The following POU5F1 variants were observed in gnomAD, a reference collection of about 807,000 sequenced individuals.
POU5F1 encodes the protein POU domain, class 5, transcription factor 1.
Under a neutral mutation model 38.3 loss-of-function variants are expected in POU5F1, and 6 were observed. That is an observed-to-expected ratio of 0.16 (90% CI 0.09 to 0.31). POU5F1 has a LOEUF of 0.31. POU5F1 is among the 10% of genes least tolerant of loss of function. The pLI, the probability that POU5F1 is intolerant of heterozygous loss-of-function variation, is 1.00. For synonymous variants in POU5F1, 147 were observed against 194.9 expected (o/e 0.75, Z 2.05); for missense variants, 286 against 462.6 (o/e 0.62, Z 3.50).
chr6:31,166,456 C>T, intron 1 of POU5F1: 1 of 1,314,596 alleles, frequency 7.6e-7, no homozygotes, highest in Non-Finnish European at 1.0e-6. Context: ...GTCAGGAGTT[C>T]AAGACCAGCA....
chr6:31,170,231 C>G lies in POU5F1; in HGVS notation c.390G>C (p.Glu130Asp). ...GCTCACTTGCCTCCTCCGGGTTTTG[C>G]TCCAGCTTCTCCTTCTCCAGCTTCA... ...GAVKLEKEKL[E>D]QNPEESQDIK... The change falls in exon 1 of 5, where the codon GAG (glutamate) becomes GAC (aspartate). Residue 130 changes from glutamate (E) to aspartate (D), a missense_variant. Transcript: ENST00000259915. 1.2e-6 allele frequency: 2 copies of G among 1,612,922 alleles called. No homozygotes were observed. The highest frequency in any genetic ancestry group is 1.7e-6 in the Non-Finnish European group (2 of 1,179,842).
chr6:31,170,193 C>T, intron 1 of POU5F1, 23 bp downstream of exon 1: 1 of 1,612,810 alleles, frequency 6.2e-7, no homozygotes, highest in Non-Finnish European at 8.5e-7. Flanking sequence ...CCCCACACCC[C>T]AACCCCGTCG....
intron 1 of POU5F1, among the ~76,000 whole-genome samples, chr6:31,168,538 G>C (rs1008071953): frequency 2.0e-5 from 3 of 152,182 alleles, no homozygotes; most frequent in Non-Finnish European, 1.5e-5. Flanking sequence ...TCTAGTTGAC[G>C]TGTTGGCCAC....
rs1777151473 is a variant in POU5F1 at position 31,165,429 on chromosome 6, T to C, written c.657+142A>G. On this transcript the variant is annotated intron_variant, in intron 3 of 4. Coordinates refer to ENST00000259915, the MANE Select transcript of POU5F1 (RefSeq NM_002701.6). This position sits in a 1 kb window ranked among gnomAD's most constrained non-coding sequence, Gnocchi z 6.5. ...TCCTGGAAGGGTTGGCTCTGGACCT[T>C]ATCCCAGCAGAACTGAGGAATTTCA... 2.6e-6 allele frequency: 4 copies of C among 1,567,054 alleles called. No individual in the cohort carries two copies. The highest frequency in any genetic ancestry group is 2.3e-5 in the East Asian group (1 of 43,700).
Position 31,164,813 on chromosome 6 carries a change from C to T in POU5F1, c.871G>A (p.Asp291Asn), listed in dbSNP as rs778460021. 8.7e-6 allele frequency: 14 copies of T among 1,612,646 alleles called. No homozygotes were observed. The highest frequency in any genetic ancestry group is 4.0e-5 in the African/African-American group (3 of 74,898). The change falls in exon 5 of 5, where the codon GAC becomes AAC. Residue 291 changes from aspartate to asparagine, a missense_variant. By Grantham distance (23) the Asp-to-Asn change is conservative. Around this residue, in one of 2 missense-constraint regions of POU5F1, gnomAD observed 110 missense variants for 277.8 expected, o/e 0.40. Transcript: ENST00000259915. ...TCAAAATCCTCTCGTTGTGCATAGT[C>T]GCTGCTTGATCGCTTGCCCTTCTGG... is the stretch of plus-strand genomic sequence containing the variant. Reference protein sequence around the residue: ...RRQKGKRSSSDYAQREDFEAA... With the variant: ...RRQKGKRSSSNYAQREDFEAA...
rs372794318 is a variant in POU5F1 at position 31,168,432 on chromosome 6, G to A, written c.405+1784C>T. Among the ~76,000 whole-genome samples the A allele has an allele frequency of 6.6e-5, 10 of 152,002 alleles. No individual in the cohort carries two copies. The East Asian group carries it at 1.5e-3, about 24-fold the overall frequency. On this transcript the variant is annotated intron_variant, in intron 1 of 4. Transcript: ENST00000259915. ...GTATTTTTAGTAGAGATGGGGTTTC[G>A]CCATGTTGGTCAGGCTGGACTCGAA...
At chr6:31,167,905 A>G (rs1561860495) in intron 1 of POU5F1, among the ~76,000 whole-genome samples, 1 of 151,866 alleles carries the variant, frequency 6.6e-6, no homozygotes. Flanking sequence ...TGTTGCAGAC[A>G]TAGTGACTTT....
rs1312176465 is a variant in POU5F1 at position 31,170,529 on chromosome 6, T to C, written c.92A>G (p.Asp31Gly). 6.3e-7 allele frequency: 1 copy of C among 1,585,360 alleles called. No individual in the cohort carries two copies. Among genetic ancestry groups the C allele is most frequent in the Non-Finnish European group, 8.6e-7 (1 of 1,166,618 alleles). ...TTGGAAGCTTAGCCAGGTCCGAGGATCAACCCAGCCCGGCTCCGGCCCCCC... is the reference window on the plus strand; with the variant it reads ...TTGGAAGCTTAGCCAGGTCCGAGGACCAACCCAGCCCGGCTCCGGCCCCCC... The part of the protein sequence containing the change: ...GPGGPEPGWV[D>G]PRTWLSFQGP... Residue 31 changes from aspartate (D) to glycine (G), a missense_variant, in exon 1 of 5, where the codon GAT (aspartate) becomes GGT (glycine). This residue lies in a region of POU5F1 where 176 missense variants were observed against 184.8 expected (regional missense o/e 0.95). Coordinates refer to ENST00000259915, the MANE Select transcript of POU5F1 (RefSeq NM_002701.6).
chr6:31,170,225 G>T lies in POU5F1; in HGVS notation c.396C>A (p.Asn132Lys). Residue 132 changes from asparagine to lysine, a missense_variant, in exon 1 of 5, where the codon AAC (asparagine) becomes AAA (lysine). Transcript: ENST00000259915. ...GTCGAAGCTCACTTGCCTCCTCCGGGTTTTGCTCCAGCTTCTCCTTCTCCA... is the reference window on the plus strand; with the variant it reads ...GTCGAAGCTCACTTGCCTCCTCCGGTTTTTGCTCCAGCTTCTCCTTCTCCA... Reference protein sequence around the residue: ...VKLEKEKLEQNPEESQDIKAL... With the variant: ...VKLEKEKLEQKPEESQDIKAL... 1 of 1,612,918 alleles carries T rather than the reference G, an allele frequency of 6.2e-7. No homozygotes were observed. Among genetic ancestry groups the T allele is most frequent in the East Asian group, 2.2e-5 (1 of 44,880 alleles).
At chr6:31,167,140 G>A in intron 1 of POU5F1, 1 of 411,870 alleles carries the variant, frequency 2.4e-6, no homozygotes, top group Non-Finnish European at 4.6e-6. Flanking sequence ...TGCCCACTTG[G>A]ATCTCTTCCA....
At chr6:31,166,342 G>A in intron 1 of POU5F1, 1 of 1,293,468 alleles carries the variant, frequency 7.7e-7, no homozygotes, top group Non-Finnish European at 9.8e-7. Context: ...CCCTGGCCTC[G>A]AGAACACCTG....
In POU5F1 at chr6:31,170,293, C is replaced by T; in HGVS notation, c.328G>A (p.Ala110Thr). ...GTGACGGTGCAGGGCTCCGGGGAGGCCCCATCGGAGTTGCTCTCCACCCCG... is the reference window on the plus strand; with the variant it reads ...GTGACGGTGCAGGGCTCCGGGGAGGTCCCATCGGAGTTGCTCTCCACCCCG... ...GVGVESNSDG[A>T]SPEPCTVTPG... The change falls in exon 1 of 5, where the codon GCC becomes ACC. Residue 110 changes from alanine (A) to threonine (T), a missense_variant. By Grantham distance (58) the Ala-to-Thr change is moderately conservative. Transcript: ENST00000259915. 2 of 1,612,830 alleles carry T rather than the reference C, an allele frequency of 1.2e-6. No individual in the cohort carries two copies. Among genetic ancestry groups the T allele is most frequent in the Non-Finnish European group, 1.7e-6 (2 of 1,179,834 alleles).
At chr6:31,167,197 C>T (rs1231415381) in intron 1 of POU5F1, 1 of 322,240 alleles carries the variant, frequency 3.1e-6, no homozygotes, top group Middle Eastern at 8.2e-4. Context: ...TAATAATAAA[C>T]TTCCACTCCT....
chr6:31,169,902 GC>G, intron 1 of POU5F1: 1 of 521,394 alleles, frequency 1.9e-6, no homozygotes, highest in South Asian at 2.4e-5. Context: ...CCCTGGGCAG[GC>G]CTAGGAGATG....
At chr6:31,167,920 T>C (rs1474815997) in intron 1 of POU5F1, among the ~76,000 whole-genome samples, 2 of 149,202 alleles carry the variant, frequency 1.3e-5, no homozygotes, top group African/African-American at 5.0e-5. Context: ...GACTTTGTTT[T>C]AGTCCAAGCG....
chr6:31,165,416 TG>T lies in POU5F1; in HGVS notation c.658-131del. ...TGAAAAGGCAGGATCCTGGAAGGGT[TG>T]GCTCTGGACCTTATCCCAGCAGAAC... On this transcript the variant is annotated intron_variant, in intron 3 of 4. Transcript: ENST00000259915. The surrounding 1 kb of genome is among the most constrained non-coding windows in gnomAD (Gnocchi z 6.5). 6.4e-7 allele frequency: 1 copy of T among 1,562,794 alleles called. No individual in the cohort carries two copies. The highest frequency in any genetic ancestry group is 8.7e-7 in the Non-Finnish European group (1 of 1,151,266).
Position 31,165,086 on chromosome 6 carries a change from CAG to C in POU5F1, c.816+40_816+41del. 2 of 1,592,964 alleles carry C rather than the reference CAG, an allele frequency of 1.3e-6. No individual in the cohort carries two copies. Among genetic ancestry groups the C allele is most frequent in the Non-Finnish European group, 1.7e-6 (2 of 1,170,142 alleles). On this transcript the variant is annotated intron_variant, in intron 4 of 4. Transcript: ENST00000259915. The surrounding 1 kb of genome is among the most constrained non-coding windows in gnomAD (Gnocchi z 6.5). ...AGAGCTAGGGAAAGCGAGGTGGTGACAGGGGAAAGAGATGGAGCCCGCAGAGA... is the reference window on the plus strand; with the variant it reads ...AGAGCTAGGGAAAGCGAGGTGGTGACGGGAAAGAGATGGAGCCCGCAGAGA...
rs1174320263 is a variant in POU5F1, at chr6:31,164,808, A to G, written c.876T>C (p.Tyr292=). The change falls in exon 5 of 5, where the codon TAT becomes TAC. Residue 292 remains tyrosine (Y), a synonymous_variant. Transcript: ENST00000259915. ...RQKGKRSSSD[Y]AQREDFEAAG... ...CAGCCTCAAAATCCTCTCGTTGTGC[A>G]TAGTCGCTGCTTGATCGCTTGCCCT... 3.1e-6 allele frequency: 5 copies of G among 1,612,846 alleles called. No individual in the cohort carries two copies. Among genetic ancestry groups the G allele is most frequent in the East Asian group, 2.2e-5 (1 of 44,876 alleles).
Position 31,170,580 on chromosome 6 carries a change from G to A in POU5F1, c.41C>T (p.Pro14Leu), listed in dbSNP as rs770851738. 5.1e-6 allele frequency: 8 copies of A among 1,567,902 alleles called. No individual in the cohort carries two copies. Among genetic ancestry groups the A allele is most frequent in the South Asian group, 3.5e-5 (3 of 85,634 alleles). ...HLASDFAFSP[P>L]PGGGGDGPGG... ...TGGCCCATCACCTCCACCACCTGGAGGGGGCGAGAAGGCGAAATCCGAAGC... is the reference window on the plus strand; with the variant it reads ...TGGCCCATCACCTCCACCACCTGGAAGGGGCGAGAAGGCGAAATCCGAAGC... The change falls in exon 1 of 5, where the codon CCT becomes CTT. Residue 14 changes from proline (P) to leucine (L), a missense_variant. Pro to Leu is a moderately conservative substitution (Grantham distance 98). This residue lies in a region of POU5F1 where 176 missense variants were observed against 184.8 expected (regional missense o/e 0.95). Transcript: ENST00000259915.
Sources: gnomAD v4.1 joint callset for allele counts (sites outside exome capture counted in the v4.1 genomes callset) on GRCh38, gnomAD v4.1.1 for gene constraint, gnomAD v4.1.1 regional missense constraint, Gnocchi (gnomAD v3.1) non-coding constraint, MANE v1.5 for transcripts, NCBI Gene and HGNC (gene_info 2026-07-23, HGNC 2026-07-21) for gene names.